CCDC169: variants seen among roughly 807,000 people sequenced by gnomAD.
The protein encoded by CCDC169 is coiled-coil domain containing 169.
In CCDC169, 30 loss-of-function variants were observed where a neutral mutation model predicts 36.0. The ratio of observed to expected loss-of-function variants is 0.83; its 90% CI spans 0.62 to 1.13. CCDC169 has a LOEUF of 1.13. CCDC169 is among the 50% of genes most tolerant of loss of function. The pLI is 0.00. For synonymous variants in CCDC169, 85 were observed against 81.5 expected (o/e 1.04, Z -0.23); for missense variants, 245 against 245.9 (o/e 1.00, Z 0.03).
chr13:36,232,726 A>G (rs543346460), intron 7 of CCDC169, among the ~76,000 whole-genome samples: 29 of 108,624 alleles, frequency 2.7e-4, no homozygotes, highest in African/African-American at 8.7e-4. Flanking sequence ...AAAAAAAAAA[A>G]GAATACAAAA....
chr13:36,244,475 G>T (rs1410621), intron 7 of CCDC169: 61,608 of 151,902 alleles, frequency 0.41, 13,265 homozygotes, highest in Non-Finnish European at 0.48. Flanking sequence ...GCAATTTTTT[G>T]CTGGAGGAAT....
chr13:36,294,958 T>C (rs1188936374), intron 2 of CCDC169, among the ~76,000 whole-genome samples: 1 of 152,210 alleles, frequency 6.6e-6, no homozygotes, highest in African/African-American at 2.4e-5. Context: ...ATTTCATTTC[T>C]GCCTTTTAGT....
At chr13:36,257,286 G>C (rs1433882907) in intron 4 of CCDC169, among the ~76,000 whole-genome samples, 1 of 152,182 alleles carries the variant, frequency 6.6e-6, no homozygotes, top group African/African-American at 2.4e-5. Flanking sequence ...TCAAAGCAGG[G>C]CTATCTCATA....
intron 4 of CCDC169, chr13:36,283,202 A>T: frequency 2.2e-6 from 1 of 444,986 alleles, no homozygotes; most frequent in South Asian, 4.2e-5. Flanking sequence ...GTATTTGTCT[A>T]TATCTTTCTC....
intron 7 of CCDC169, chr13:36,244,693 AAGGG>A (rs1594011366): frequency 7.5e-6 from 1 of 134,200 alleles, no homozygotes; most frequent in East Asian, 2.1e-4. Flanking sequence ...GGAAGGAAGG[AAGGG>A]AGGAAGGAAA....
At position 36,269,169 on chromosome 13, in the gene CCDC169, T is replaced by C. The variant is rs1460267316; in HGVS notation, c.315+14300A>G. ...CTTTATGTGCAGAAACTAGAAAACC[T>C]AGAGGAAATGGATAAGTTCTTGGAA... On this transcript the variant is annotated intron_variant, in intron 4 of 7. Transcript: ENST00000239859. Among the ~76,000 whole-genome samples the C allele has an allele frequency of 2.6e-5, 4 of 151,264 alleles. No individual in the cohort carries two copies. In the South Asian group the frequency reaches 6.2e-4, roughly 24 times the overall value.
chr13:36,254,274 ACTTTTTTT>A, intron 4 of CCDC169, 131 bp from the exon 5 acceptor site: 2 of 415,680 alleles, frequency 4.8e-6, no homozygotes, highest in South Asian at 8.0e-5. Flanking sequence ...TATGATATGT[ACTTTTTTT>A]TTTTTTTTTT....
At chr13:36,281,036 A>T (rs9566036) in intron 4 of CCDC169, 56,796 of 268,284 alleles carry the variant, frequency 0.21, 6,644 homozygotes, top group East Asian at 0.42. Flanking sequence ...AGCTCTTTGA[A>T]GGGGAGTAGA....
chr13:36,281,731 A>C (rs923011052), intron 4 of CCDC169, among the ~76,000 whole-genome samples: 6 of 152,020 alleles, frequency 3.9e-5, no homozygotes, highest in Admixed American at 6.6e-5. Context: ...GCATGGTGGC[A>C]TGAGCCTGTA....
intron 2 of CCDC169, among the ~76,000 whole-genome samples, chr13:36,290,522 A>G (rs1021532910): frequency 3.3e-5 from 5 of 152,172 alleles, no homozygotes; most frequent in African/African-American, 1.2e-4. Flanking sequence ...CCCAGGGGCT[A>G]TCGCAGAAGT....
intron 7 of CCDC169, chr13:36,244,389 A>C (rs1177864393): frequency 6.6e-6 from 1 of 152,222 alleles, no homozygotes; most frequent in Non-Finnish European, 1.5e-5. Flanking sequence ...TCTGCTCCCA[A>C]TAGAAACATT....
chr13:36,236,805 T>A (rs546613195), intron 7 of CCDC169, among the ~76,000 whole-genome samples: 32 of 151,990 alleles, frequency 2.1e-4, no homozygotes, highest in Non-Finnish European at 4.3e-4. Context: ...AGGACTTGAA[T>A]AGACATTTCT....
chr13:36,288,384 T>A (rs970956268), intron 2 of CCDC169, among the ~76,000 whole-genome samples: 1 of 152,192 alleles, frequency 6.6e-6, no homozygotes, highest in African/African-American at 2.4e-5. Context: ...AGATAAACTA[T>A]TAAGAAATGG....
At chr13:36,248,312 T>C (rs1385078484) in intron 7 of CCDC169, among the ~76,000 whole-genome samples, 1 of 152,062 alleles carries the variant, frequency 6.6e-6, no homozygotes, top group African/African-American at 2.4e-5. Context: ...GTTTATGTTG[T>C]TGTTAATGGT....
chr13:36,261,705 T>C (rs138092365), intron 4 of CCDC169, among the ~76,000 whole-genome samples: 26 of 152,314 alleles, frequency 1.7e-4, no homozygotes, highest in African/African-American at 6.0e-4. Context: ...AGCTAATTCA[T>C]AGCAAAGAAA....
At chr13:36,291,332 T>C (rs1878870808) in intron 2 of CCDC169, among the ~76,000 whole-genome samples, 1 of 152,222 alleles carries the variant, frequency 6.6e-6, no homozygotes, top group South Asian at 2.1e-4. Context: ...ATGAAATCTC[T>C]TATGTTAAAT....
rs1466703688 is a variant in CCDC169, at chr13:36,297,690, G to A, written c.30C>T (p.Asp10=). MKEERNYNF[D]GVSTNRLKQQ... Reference sequence around the variant, plus strand: ...GTTTCAGGCGGTTGGTGCTCACACCGTCGAAGTTGTAGTTTCTCTCTTCCT... The same window carrying A: ...GTTTCAGGCGGTTGGTGCTCACACCATCGAAGTTGTAGTTTCTCTCTTCCT... The change falls in exon 1 of 8, where the codon GAC becomes GAT. Residue 10 remains aspartate (D), a synonymous_variant. Transcript: ENST00000239859. 1 of 1,551,336 alleles carries A rather than the reference G, an allele frequency of 6.4e-7. No individual in the cohort carries two copies. The highest frequency in any genetic ancestry group is 8.7e-7 in the Non-Finnish European group (1 of 1,146,998).
At chr13:36,228,270 TC>T (rs939593123), downstream of CCDC169, among the ~76,000 whole-genome samples, 23 of 152,202 alleles carry the variant, frequency 1.5e-4, no homozygotes, top group Non-Finnish European at 2.9e-4. Flanking sequence ...TCACTTTATA[TC>T]CCCACCAGCA....
chr13:36,222,264 C>G (rs1225832515), downstream of CCDC169: 1 of 152,136 alleles, frequency 6.6e-6, no homozygotes, highest in Non-Finnish European at 1.5e-5. Flanking sequence ...GGTAGGGGAT[C>G]CCAAACAAAG....
Sources: allele counts gnomAD v4.1 joint callset (sites outside exome capture counted in the v4.1 genomes callset), GRCh38; gene constraint gnomAD v4.1.1; transcripts MANE v1.5; gene names NCBI Gene and HGNC (gene_info 2026-07-23, HGNC 2026-07-21).